EFNA4: variants seen among roughly 807,000 people sequenced by gnomAD.
EFNA4 encodes the protein ephrin A4.
A neutral mutation model predicts 23.7 loss-of-function variants in EFNA4; 22 were observed. The ratio of observed to expected loss-of-function variants is 0.93; its 90% CI spans 0.66 to 1.32. EFNA4 has a LOEUF of 1.32. EFNA4 is among the 40% of genes most tolerant of loss of function. EFNA4 has a pLI of 0.00. For synonymous variants in EFNA4, 113 were observed against 108.3 expected (o/e 1.04, Z -0.27); for missense variants, 252 against 252.3 (o/e 1.00, Z 0.01).
rs112399433 is a variant in EFNA4 at position 155,069,264 on chromosome 1, C to A, written c.*275C>A. ...GCTGCTCTGAGGGTCTCAGCCCATCCCCCAGGAGGACTGGGATTTGGTATG... is the reference window on the plus strand; with the variant it reads ...GCTGCTCTGAGGGTCTCAGCCCATCACCCAGGAGGACTGGGATTTGGTATG... On this transcript the variant is annotated 3_prime_UTR_variant, in exon 4 of 4. Transcript: ENST00000368409. The A allele has an allele frequency of 3.6e-6, 5 of 1,396,596 alleles. No homozygotes were observed. The African/African-American group carries it at 7.3e-5, about 20-fold the overall frequency. 86.5% of individuals were successfully genotyped at this position (1,396,596 alleles called of 1,614,324 possible). A position where few individuals can be genotyped will look rare whatever the true frequency, so the allele number is the denominator to read the frequency against.
rs1447360049 is a variant in EFNA4 at position 155,067,425 on chromosome 1, T to A, written c.454T>A (p.Cys152Ser). The change falls in exon 3 of 4, where the codon TGC becomes AGC. Residue 152 changes from cysteine to serine, a missense_variant. Cys to Ser is a moderately radical substitution (Grantham distance 112). Coordinates refer to ENST00000368409, the MANE Select transcript of EFNA4 (RefSeq NM_005227.3). ...GTGCTTGAGGCTCCAGGTGTCTGTC[T>A]GCTGCAAGGAGAGGAGTAAGTGGGT... ...GQCLRLQVSV[C>S]CKERKSESAH... 6.2e-7 allele frequency: 1 copy of A among 1,614,060 alleles called. No homozygotes were observed. Among genetic ancestry groups the A allele is most frequent in the African/African-American group, 1.3e-5 (1 of 74,922 alleles).
chr1:155,065,147 A>G, intron 1 of EFNA4, among the ~76,000 whole-genome samples: 1 of 152,030 alleles, frequency 6.6e-6, no homozygotes, highest in East Asian at 1.9e-4. Flanking sequence ...GGCACGGGGG[A>G]TGCAGTAGAA....
chr1:155,066,102 C>T (rs1663038522), intron 1 of EFNA4, among the ~76,000 whole-genome samples: 1 of 152,144 alleles, frequency 6.6e-6, no homozygotes, highest in Admixed American at 6.5e-5. Flanking sequence ...CTCCTGGCCT[C>T]AAGCGATCCT....
chr1:155,063,889 G>A lies in EFNA4; in HGVS notation c.66G>A (p.Gly22=), dbSNP rs1184386171. 8 of 1,567,846 alleles carry A rather than the reference G, an allele frequency of 5.1e-6. No homozygotes were observed. The highest frequency in any genetic ancestry group is 6.9e-6 in the Non-Finnish European group (8 of 1,158,370). Residue 22 remains glycine, a synonymous_variant, in exon 1 of 4, where the codon GGG becomes GGA. Transcript: ENST00000368409. The surrounding 1 kb of genome is among the most constrained non-coding windows in gnomAD (Gnocchi z 4.1). Reference sequence around the variant, plus strand: ...CGTTCCTCGGCTCCCCTCTGCGCGGGGGCTCCAGCCTCCGCCACGTAGTCT... The same window carrying A: ...CGTTCCTCGGCTCCCCTCTGCGCGGAGGCTCCAGCCTCCGCCACGTAGTCT... ...WAAFLGSPLR[G]GSSLRHVVYW... is the part of the protein sequence containing the mutation.
chr1:155,065,781 G>A (rs1362431083), intron 1 of EFNA4, among the ~76,000 whole-genome samples: 1 of 150,854 alleles, frequency 6.6e-6, no homozygotes, highest in Non-Finnish European at 1.5e-5. Context: ...CTCCCAGGCT[G>A]GAGTGCAGTG....
chr1:155,063,801 G>C lies in EFNA4; in HGVS notation c.-23G>C. The stretch of plus-strand genomic sequence containing the variant: ...AAGCGGGCCGGGACCTGCCAGGCCA[G>C]ACCAAACCGGACCTCGGGGGCGATG... On this transcript the variant is annotated 5_prime_UTR_variant, in exon 1 of 4. Coordinates refer to ENST00000368409, the MANE Select transcript of EFNA4 (RefSeq NM_005227.3). This position sits in a 1 kb window ranked among gnomAD's most constrained non-coding sequence, Gnocchi z 4.1. The C allele has an allele frequency of 1.3e-6, 2 of 1,511,342 alleles. No homozygotes were observed. Among genetic ancestry groups the C allele is most frequent in the African/African-American group, 1.4e-5 (1 of 69,534 alleles). The allele number at this position is 1,511,342 out of a possible 1,614,324, so 93.6% of individuals were successfully genotyped here.
rs1365701872 is a variant in EFNA4, at chr1:155,066,992, C to T, written c.376C>T (p.Pro126Ser). 2 of 1,611,930 alleles carry T rather than the reference C, an allele frequency of 1.2e-6. No individual in the cohort carries two copies. The highest frequency in any genetic ancestry group is 1.7e-5 in the Admixed American group (1 of 59,708). The change falls in exon 2 of 4, where the codon CCT becomes TCT. Residue 126 changes from proline (P) to serine (S), a missense_variant. By Grantham distance (74) the Pro-to-Ser change is moderately conservative (BLOSUM62 -1). Coordinates refer to ENST00000368409, the MANE Select transcript of EFNA4 (RefSeq NM_005227.3). ...TPFSLGFEFL[P>S]GETYYYISVP... ...CTTCTCCCTCGGCTTTGAGTTCTTA[C>T]CTGGAGAGACTTACTACTACATCTG...
chr1:155,068,666 C>G (rs1663108579), intron 3 of EFNA4, among the ~76,000 whole-genome samples, 187 bp from the exon 4 acceptor site: 1 of 151,872 alleles, frequency 6.6e-6, no homozygotes, highest in African/African-American at 2.4e-5. Context: ...TTGGTTGTCT[C>G]TATTGGCAAT....
chr1:155,066,696 C>T (rs989131458), intron 1 of EFNA4, 34 bp from the exon 2 acceptor site: 1 of 1,533,662 alleles, frequency 6.5e-7, no homozygotes. Flanking sequence ...TGGTGCCCTC[C>T]ACTCCTCAGC....
chr1:155,067,067 G>A (rs1466593752), intron 2 of EFNA4, 51 bp downstream of exon 2: 1 of 1,545,982 alleles, frequency 6.5e-7, no homozygotes, highest in Non-Finnish European at 8.7e-7. Flanking sequence ...GAAGGGTAGG[G>A]AGGGGGAAGG....
chr1:155,067,411 T>C lies in EFNA4; in HGVS notation c.440T>C (p.Leu147Pro). 1 of 1,614,166 alleles carries C rather than the reference T, an allele frequency of 6.2e-7. No homozygotes were observed. The highest frequency in any genetic ancestry group is 8.5e-7 in the Non-Finnish European group (1 of 1,180,020). The change falls in exon 3 of 4, where the codon CTC becomes CCC. Residue 147 changes from leucine (L) to proline (P), a missense_variant. Leu to Pro is a moderately conservative substitution (Grantham distance 98, BLOSUM62 -3). Transcript: ENST00000368409. ...GAGAGTTCTGGCCAGTGCTTGAGGC[T>C]CCAGGTGTCTGTCTGCTGCAAGGAG... ...TPESSGQCLR[L>P]QVSVCCKERK...
At chr1:155,064,238 T>C (rs1400248112) in intron 1 of EFNA4, among the ~76,000 whole-genome samples, 3 of 152,186 alleles carry the variant, frequency 2.0e-5, no homozygotes, top group Non-Finnish European at 4.4e-5. Context: ...CCCTCGCTGC[T>C]CTCCTGGCGA....
chr1:155,065,425 C>T (rs1032541393), intron 1 of EFNA4, among the ~76,000 whole-genome samples: 2 of 152,066 alleles, frequency 1.3e-5, no homozygotes, highest in Non-Finnish European at 2.9e-5. Context: ...GAAGGGAGTC[C>T]TGAGAAGACT....
At position 155,069,001 on chromosome 1, in the gene EFNA4, C is replaced by A. The variant is rs199947288; in HGVS notation, c.*12C>A. ...TGCGAATTCTGTGAGCCAAGCAGAC[C>A]TTCCCTCTCATCCCAAGGAGCCAGA... On this transcript the variant is annotated 3_prime_UTR_variant, in exon 4 of 4. Transcript: ENST00000368409. The A allele has an allele frequency of 1.0e-4, 162 of 1,613,536 alleles. No homozygotes were observed. Among genetic ancestry groups the A allele is most frequent in the Non-Finnish European group, 1.3e-4 (155 of 1,179,774 alleles).
At chr1:155,064,269 G>A (rs1198579744) in intron 1 of EFNA4, among the ~76,000 whole-genome samples, 1 of 152,244 alleles carries the variant, frequency 6.6e-6, no homozygotes, top group Non-Finnish European at 1.5e-5. Context: ...CCCGCAGGCT[G>A]GAGCTGTGGC....
At chr1:155,068,070 GCCA>G (rs1663093617) in intron 3 of EFNA4, among the ~76,000 whole-genome samples, 1 of 152,136 alleles carries the variant, frequency 6.6e-6, no homozygotes, top group Non-Finnish European at 1.5e-5. Context: ...ACAGGCATGT[GCCA>G]CCACAACTCA....
chr1:155,066,789 G>A lies in EFNA4; in HGVS notation c.173G>A (p.Cys58Tyr). Residue 58 changes from cysteine to tyrosine, a missense_variant, in exon 2 of 4, where the codon TGC (cysteine) becomes TAC (tyrosine). Transcript: ENST00000368409. ...LGLNDYLDIV[C>Y]PHYEGPGPPE... ...CTCAACGATTACCTAGACATTGTCT[G>A]CCCCCACTACGAAGGCCCAGGGCCC... 1.9e-6 allele frequency: 3 copies of A among 1,611,786 alleles called. No homozygotes were observed. Among genetic ancestry groups the A allele is most frequent in the Non-Finnish European group, 8.5e-7 (1 of 1,179,332 alleles).
Position 155,066,890 on chromosome 1 carries a change from C to CG in EFNA4, c.277dup (p.Ala93GlyfsTer31), listed in dbSNP as rs766100897. The CG allele has an allele frequency of 6.2e-7, 1 of 1,614,002 alleles. No homozygotes were observed. Among genetic ancestry groups the CG allele is most frequent in the African/African-American group, 1.3e-5 (1 of 74,944 alleles). On this transcript the variant is annotated frameshift_variant, in exon 2 of 4. Transcript: ENST00000368409. LOFTEE classifies it high-confidence loss of function. Reference sequence around the variant, plus strand: ...TGAGTCCTGCCAGGCAGAGGGCCCCCGGGCCTACAAGCGCTGGGTGTGCTC... The same window carrying CG: ...TGAGTCCTGCCAGGCAGAGGGCCCCCGGGGCCTACAAGCGCTGGGTGTGCTC...
At position 155,069,015 on chromosome 1, in the gene EFNA4, C is replaced by T. The variant is rs758266087; in HGVS notation, c.*26C>T. On this transcript the variant is annotated 3_prime_UTR_variant, in exon 4 of 4. Coordinates refer to ENST00000368409, the MANE Select transcript of EFNA4 (RefSeq NM_005227.3). The stretch of plus-strand genomic sequence containing the variant: ...GCCAAGCAGACCTTCCCTCTCATCC[C>T]AAGGAGCCAGAGTCCTCCCAAGATC... The T allele has an allele frequency of 7.4e-6, 12 of 1,613,314 alleles. No homozygotes were observed. Among genetic ancestry groups the T allele is most frequent in the Non-Finnish European group, 1.0e-5 (12 of 1,179,544 alleles).
Sources: gnomAD v4.1 joint callset for allele counts (sites outside exome capture counted in the v4.1 genomes callset) on GRCh38, gnomAD v4.1.1 for gene constraint, Gnocchi (gnomAD v3.1) non-coding constraint, MANE v1.5 for transcripts, NCBI Gene and HGNC (gene_info 2026-07-23, HGNC 2026-07-21) for gene names.